OCA2: variants seen among roughly 807,000 people sequenced by gnomAD.
OCA2 encodes P protein.
In OCA2, 77 loss-of-function variants were observed where a neutral mutation model predicts 100.2. That is an observed-to-expected ratio of 0.77 (90% CI 0.64 to 0.93). The LOEUF is 0.93. Among genes scored for constraint, OCA2 ranks in the 40% least tolerant of loss-of-function variants. The pLI is 0.00. For missense variants in OCA2, 1,062 were observed against 1,089.1 expected (o/e 0.98, Z 0.35); for synonymous variants, 432 against 439.2 (o/e 0.98, Z 0.21).
chr15:27,844,792 G>A (rs2035471733), intron 23 of OCA2, among the ~76,000 whole-genome samples, 167 bp downstream of exon 23: 1 of 152,076 alleles, frequency 6.6e-6, no homozygotes, highest in Admixed American at 6.5e-5. Flanking sequence ...TGAGCCACCA[G>A]CAATAAATTT....
chr15:28,023,355 T>G (rs528115603), intron 5 of OCA2, among the ~76,000 whole-genome samples: 1 of 152,356 alleles, frequency 6.6e-6, no homozygotes, highest in Non-Finnish European at 1.5e-5. Flanking sequence ...AGAAGTTGAC[T>G]GTACTCAGCT....
At chr15:28,096,316 G>A (rs964767711) in intron 1 of OCA2, among the ~76,000 whole-genome samples, 1 of 152,118 alleles carries the variant, frequency 6.6e-6, no homozygotes, top group African/African-American at 2.4e-5. Flanking sequence ...TCGTGTCTCC[G>A]GGGGCGTGGC....
intron 23 of OCA2, among the ~76,000 whole-genome samples, chr15:27,767,588 AAAGGATTGTAAATGCACCAATCAGCAC>A (rs2031366711): frequency 6.6e-6 from 1 of 152,190 alleles, no homozygotes; most frequent in Non-Finnish European, 1.5e-5. Flanking sequence ...ATGTCTAGCT[AAAGGATTGTAAATGCACCAATCAGCAC>A]TCTGTAAAAA....
At chr15:27,801,424 C>T (rs981194474) in intron 23 of OCA2, among the ~76,000 whole-genome samples, 1 of 151,882 alleles carries the variant, frequency 6.6e-6, no homozygotes, top group East Asian at 1.9e-4. Context: ...TGGCGGCACA[C>T]GCCTATAGTC....
intron 22 of OCA2, among the ~76,000 whole-genome samples, chr15:27,848,365 T>C (rs1198663940): frequency 6.6e-6 from 1 of 152,236 alleles, no homozygotes; most frequent in Non-Finnish European, 1.5e-5. Context: ...ATTATTCAGA[T>C]GCCAACGATG....
At chr15:27,805,121 G>A (rs543305143) in intron 23 of OCA2, among the ~76,000 whole-genome samples, 1 of 152,338 alleles carries the variant, frequency 6.6e-6, no homozygotes, top group Admixed American at 6.5e-5. Flanking sequence ...GACGCTGTGT[G>A]GGAGCCGGGG....
At chr15:28,033,008 C>T (rs2042952760) in intron 2 of OCA2, among the ~76,000 whole-genome samples, 1 of 152,202 alleles carries the variant, frequency 6.6e-6, no homozygotes, top group Admixed American at 6.5e-5. Flanking sequence ...ACAGCAGCCA[C>T]AACTGAAGCA....
intron 1 of OCA2, among the ~76,000 whole-genome samples, chr15:28,088,585 A>C (rs1390904252): frequency 6.6e-6 from 1 of 152,208 alleles, no homozygotes; most frequent in African/African-American, 2.4e-5. Flanking sequence ...AAAGGGAAAT[A>C]GTACAAAAGA....
chr15:28,017,585 C>T (rs1212518026), intron 7 of OCA2, among the ~76,000 whole-genome samples: 4 of 152,180 alleles, frequency 2.6e-5, no homozygotes, highest in Non-Finnish European at 2.9e-5. Context: ...TTGCGTCAGC[C>T]ACGGTCCAGG....
rs557962320 is a variant in OCA2 at position 27,972,678 on chromosome 15, T to G, written c.1504-5856A>C. On this transcript the variant is annotated intron_variant, in intron 14 of 23. Transcript: ENST00000354638. ...CTTCAAAAATGTCTACTCATGTCAT[T>G]TGCCTACTTTTTATTGGGATTATTT... Among the ~76,000 whole-genome samples the G allele has an allele frequency of 4.6e-5, 7 of 152,182 alleles. No individual in the cohort carries two copies. The South Asian group carries it at 1.5e-3, about 32-fold the overall frequency.
chr15:28,002,450 G>A (rs948279839), intron 9 of OCA2, among the ~76,000 whole-genome samples: 1 of 152,156 alleles, frequency 6.6e-6, no homozygotes, highest in African/African-American at 2.4e-5. Context: ...TGGGGTGCAT[G>A]AGGGCAGAGA....
chr15:27,753,245 G>A (rs756112930), downstream of OCA2, among the ~76,000 whole-genome samples: 5 of 151,874 alleles, frequency 3.3e-5, no homozygotes, highest in South Asian at 4.2e-4. Context: ...GTGTTGGAGC[G>A]TCAGAGAAAG....
intron 23 of OCA2, among the ~76,000 whole-genome samples, chr15:27,832,580 T>A (rs1000596479): frequency 6.6e-6 from 1 of 152,168 alleles, no homozygotes; most frequent in Admixed American, 6.5e-5. Flanking sequence ...TCTGGGAACC[T>A]CAGTGCCGTT....
chr15:27,930,327 T>C (rs2039202207), intron 18 of OCA2, among the ~76,000 whole-genome samples: 1 of 152,188 alleles, frequency 6.6e-6, no homozygotes, highest in African/African-American at 2.4e-5. Flanking sequence ...GAATGAATTA[T>C]TGATGTATGC....
intron 2 of OCA2, among the ~76,000 whole-genome samples, chr15:28,080,741 T>G (rs1486563330): frequency 1.3e-5 from 2 of 152,218 alleles, no homozygotes; most frequent in Non-Finnish European, 2.9e-5. Flanking sequence ...ATCTGCCATG[T>G]AATCGATATG....
the OCA2 span, among the ~76,000 whole-genome samples, chr15:27,739,889 G>T: frequency 6.6e-6 from 1 of 152,156 alleles, no homozygotes; most frequent in South Asian, 2.1e-4. Context: ...TTCTCCCAAA[G>T]AGTTGGCAAA....
intron 19 of OCA2, among the ~76,000 whole-genome samples, chr15:27,894,926 C>G (rs1439477811): frequency 6.6e-6 from 1 of 152,194 alleles, no homozygotes; most frequent in Non-Finnish European, 1.5e-5. Context: ...GTAACTCTCA[C>G]CTTTTGCCTG....
chr15:28,014,576 G>A (rs571553776), intron 9 of OCA2, among the ~76,000 whole-genome samples, 200 bp downstream of exon 9: 2 of 152,314 alleles, frequency 1.3e-5, no homozygotes, highest in South Asian at 4.1e-4. Context: ...TCCTTCTCAT[G>A]TCAGTTGCCA....
At chr15:27,731,076 C>T in the OCA2 span, among the ~76,000 whole-genome samples, 1 of 152,028 alleles carries the variant, frequency 6.6e-6, no homozygotes, top group African/African-American at 2.4e-5. Flanking sequence ...GAATGGCATT[C>T]TCAGTTCCTA....
Sources: allele counts gnomAD v4.1 joint callset (sites outside exome capture counted in the v4.1 genomes callset), GRCh38; gene constraint gnomAD v4.1.1; transcripts MANE v1.5; gene names NCBI Gene and HGNC (gene_info 2026-07-23, HGNC 2026-07-21).